The following HIGD1C variants were observed in gnomAD, a reference collection of about 807,000 sequenced individuals.
HIGD1C encodes the protein HIG1 hypoxia inducible domain family member 1C.
A neutral mutation model predicts 13.1 loss-of-function variants in HIGD1C; 11 were observed. The ratio of observed to expected loss-of-function variants is 0.84; its 90% confidence interval spans 0.53 to 1.39. The LOEUF (loss-of-function observed/expected upper bound fraction) is 1.39. HIGD1C is among the 40% of genes most tolerant of loss of function. HIGD1C has a pLI of 0.00. For missense variants in HIGD1C, 110 were observed against 112.0 expected, an observed-to-expected ratio of 0.98 and a Z score of 0.08; for synonymous variants, 36 against 37.7, an observed-to-expected ratio of 0.95 and a Z score of 0.17.
the HIGD1C span, among the ~76,000 whole-genome samples, chr12:50,948,849 C>T: frequency 5.1e-4 from 32 of 63,190 alleles, no homozygotes; most frequent in African/African-American, 1.7e-3. Flanking sequence ...TCCAGCCTGG[C>T]GACAGAGCGA....
the HIGD1C span, among the ~76,000 whole-genome samples, chr12:50,938,367 G>A: frequency 4.6e-5 from 7 of 152,342 alleles, no homozygotes; most frequent in South Asian, 2.1e-4. Flanking sequence ...ACACCAGAGC[G>A]AGTACTGGGA....
chr12:50,962,152 G>A (rs576003217), intron 2 of HIGD1C, among the ~76,000 whole-genome samples: 4 of 152,192 alleles, frequency 2.6e-5, no homozygotes, highest in East Asian at 1.9e-4. Context: ...TTGGGATGCC[G>A]AGGCGGGCAG....
chr12:50,970,032 C>T (rs1033295555), intron 2 of HIGD1C, among the ~76,000 whole-genome samples: 4 of 152,182 alleles, frequency 2.6e-5, no homozygotes, highest in Non-Finnish European at 5.9e-5. Context: ...AATTCACCCA[C>T]TAGATCATAA....
exon 2 of HIGD1C, chr12:50,961,058 T>C: frequency 6.2e-7 from 1 of 1,613,388 alleles, no homozygotes; most frequent in Non-Finnish European, 8.5e-7. Context: ...CTTATTCACA[T>C]GAGAGTTGCT....
the HIGD1C span, among the ~76,000 whole-genome samples, chr12:50,940,202 T>C: frequency 6.6e-6 from 1 of 152,218 alleles, no homozygotes; most frequent in Non-Finnish European, 1.5e-5. Context: ...AGACTGCTTG[T>C]GGATATAAAC....
intron 1 of HIGD1C, among the ~76,000 whole-genome samples, chr12:50,956,674 G>C (rs1020554365): frequency 6.6e-6 from 1 of 152,084 alleles, no homozygotes; most frequent in Non-Finnish European, 1.5e-5. Context: ...CAGCTCATAC[G>C]TGCATTTCTG....
At chr12:50,969,799 T>C (rs1396299286) in intron 2 of HIGD1C, among the ~76,000 whole-genome samples, 1 of 152,094 alleles carries the variant, frequency 6.6e-6, no homozygotes, top group Non-Finnish European at 1.5e-5. Flanking sequence ...TCTGATGCCT[T>C]GATAACTGAG....
At chr12:50,944,172 A>T in the HIGD1C span, among the ~76,000 whole-genome samples, 1 of 152,098 alleles carries the variant, frequency 6.6e-6, no homozygotes, top group Non-Finnish European at 1.5e-5. Context: ...TCCTGACCTA[A>T]GGATGAGGTC....
intron 2 of HIGD1C, among the ~76,000 whole-genome samples, chr12:50,967,833 G>A (rs948531612): frequency 2.6e-5 from 4 of 152,064 alleles, no homozygotes; most frequent in Admixed American, 2.6e-4. Flanking sequence ...AGTGATTTAG[G>A]CTGGGTGTAT....
At chr12:50,942,079 G>A in the HIGD1C span, among the ~76,000 whole-genome samples, 27 of 151,852 alleles carry the variant, frequency 1.8e-4, no homozygotes, top group East Asian at 9.7e-4. Flanking sequence ...GATGGGTTTC[G>A]CCACATTGCC....
intron 1 of HIGD1C, among the ~76,000 whole-genome samples, chr12:50,960,281 C>T (rs978420508): frequency 5.9e-5 from 9 of 152,084 alleles, no homozygotes; most frequent in Non-Finnish European, 1.0e-4. Flanking sequence ...TGGGTTTACT[C>T]CTTATTTGGT....
At chr12:50,933,724 A>G in the HIGD1C span, among the ~76,000 whole-genome samples, 16 of 152,364 alleles carry the variant, frequency 1.1e-4, 2 homozygotes, top group South Asian at 3.1e-3. Flanking sequence ...TCAGTTGCCA[A>G]TGGACCCTCA....
intron 1 of HIGD1C, among the ~76,000 whole-genome samples, chr12:50,957,713 C>T (rs1374941514): frequency 1.3e-5 from 2 of 151,482 alleles, no homozygotes; most frequent in Non-Finnish European, 2.9e-5. Context: ...GGCAAAACCC[C>T]ATGTCTACTA....
chr12:50,941,505 C>T, the HIGD1C span, among the ~76,000 whole-genome samples: 117 of 152,270 alleles, frequency 7.7e-4, no homozygotes, highest in East Asian at 0.02. Flanking sequence ...ATGGTGCCAT[C>T]TAATGCCAAT....
chr12:50,950,104 C>T (rs751552367), upstream of HIGD1C, among the ~76,000 whole-genome samples: 82 of 152,140 alleles, frequency 5.4e-4, 1 homozygote, highest in Non-Finnish European at 1.1e-3. Flanking sequence ...GGACACCTCA[C>T]GGGTGACAGG....
chr12:50,954,264 C>A, intron 1 of HIGD1C, 172 bp downstream of exon 3: 1 of 471,036 alleles, frequency 2.1e-6, no homozygotes, highest in Non-Finnish European at 3.7e-6. Context: ...CATGGTAAGC[C>A]CCCAGTAAAT....
the HIGD1C span, among the ~76,000 whole-genome samples, chr12:50,943,379 A>G: frequency 6.6e-6 from 1 of 152,216 alleles, no homozygotes; most frequent in South Asian, 2.1e-4. Flanking sequence ...CTAGTTCTCA[A>G]AAACATCCAT....
At chr12:50,942,428 C>T in the HIGD1C span, among the ~76,000 whole-genome samples, 2 of 152,184 alleles carry the variant, frequency 1.3e-5, no homozygotes, top group African/African-American at 4.8e-5. Context: ...TCACTCTTTA[C>T]TTGGCTTAAC....
chr12:50,951,943 A>G (rs1223540422), upstream of HIGD1C, among the ~76,000 whole-genome samples: 2 of 151,724 alleles, frequency 1.3e-5, no homozygotes, highest in Non-Finnish European at 2.9e-5. Context: ...AAAAAGAAAA[A>G]AAAATCAAGG....
Sources: gnomAD v4.1 joint callset for allele counts (sites outside exome capture counted in the v4.1 genomes callset) on GRCh38, gnomAD v4.1.1 for gene constraint, MANE v1.5 for transcripts, NCBI Gene and HGNC (gene_info 2026-07-23, HGNC 2026-07-21) for gene names.